Variants in NXPH4 observed in about 807,000 individuals in gnomAD.
The protein encoded by NXPH4 is neurexophilin-4.
Under a neutral mutation model 21.3 loss-of-function variants are expected in NXPH4, and 8 were observed. The ratio of observed to expected loss-of-function variants is 0.38; its 90% CI spans 0.22 to 0.68. The LOEUF is 0.68. Ranked by LOEUF, NXPH4 falls within the 30% of genes least tolerant of loss-of-function variation. NXPH4 has a pLI of 0.53. For missense variants in NXPH4, 418 were observed against 416.8 expected (o/e 1.00, Z -0.03); for synonymous variants, 219 against 192.6 (o/e 1.14, Z -1.13).
intron 1 of NXPH4, among the ~76,000 whole-genome samples, chr12:57,220,581 A>AC (rs1486530497): frequency 6.6e-6 from 1 of 152,100 alleles, no homozygotes; most frequent in East Asian, 1.9e-4. Context: ...GGCAGAGCCT[A>AC]CCCCACCCCA....
At chr12:57,222,633 T>A (rs1209151542) in intron 1 of NXPH4, among the ~76,000 whole-genome samples, 3 of 152,002 alleles carry the variant, frequency 2.0e-5, no homozygotes, top group African/African-American at 7.3e-5. Flanking sequence ...CCTCCCCCAA[T>A]GCCCTCTCTC....
Position 57,226,104 on chromosome 12 carries a change from C to A in NXPH4, c.*357C>A. ...CCCTTTCCCCGCAGCTTTAATAACT[C>A]CTGGCCTGGCACCCTCACCCCACCC... is the stretch of plus-strand genomic sequence containing the variant. On this transcript the variant is annotated 3_prime_UTR_variant, in exon 2 of 2. Coordinates refer to ENST00000349394, the MANE Select transcript of NXPH4 (RefSeq NM_007224.4). 2.0e-6 allele frequency: 1 copy of A among 494,170 alleles called. No individual in the cohort carries two copies. Among genetic ancestry groups the A allele is most frequent in the South Asian group, 5.1e-5 (1 of 19,746 alleles). The allele number at this position is 494,170 out of a possible 1,614,324, so 30.6% of individuals were successfully genotyped here. A position where few individuals can be genotyped will look rare whatever the true frequency, so the allele number is the denominator to read the frequency against.
chr12:57,217,573 C>T (rs945829223), intron 1 of NXPH4, among the ~76,000 whole-genome samples: 11 of 152,226 alleles, frequency 7.2e-5, no homozygotes, highest in Admixed American at 7.2e-4. Flanking sequence ...ACATTTCCCA[C>T]GGAGACACCA....
chr12:57,220,834 A>G (rs1443943991), intron 1 of NXPH4, among the ~76,000 whole-genome samples: 1 of 151,598 alleles, frequency 6.6e-6, no homozygotes, highest in Non-Finnish European at 1.5e-5. Context: ...CTCTGCATCC[A>G]TCACTGTTTC....
Position 57,225,603 on chromosome 12 carries a change from C to T in NXPH4, c.783C>T (p.His261=), listed in dbSNP as rs780557305. The change falls in exon 2 of 2, where the codon CAC becomes CAT. Residue 261 remains histidine (H), a synonymous_variant. Transcript: ENST00000349394. The part of the protein sequence containing the change: ...YDPSQVCFTE[H]TQSQAAWLCA... ...CGTCGCAGGTGTGCTTCACCGAGCA[C>T]ACGCAGAGCCAGGCCGCCTGGCTCT... 7 of 1,613,596 alleles carry T rather than the reference C, an allele frequency of 4.3e-6. No individual in the cohort carries two copies. Among genetic ancestry groups the T allele is most frequent in the Non-Finnish European group, 5.9e-6 (7 of 1,180,004 alleles).
chr12:57,224,973 A>G lies in NXPH4; in HGVS notation c.153A>G (p.Pro51=), dbSNP rs2037126997. The change falls in exon 2 of 2, where the codon CCA becomes CCG. Residue 51 remains proline (P), a synonymous_variant. Coordinates refer to ENST00000349394, the MANE Select transcript of NXPH4 (RefSeq NM_007224.4). ...AGAGAPGQQL[P]EPRSSDGLGV... ...CGGGTGCCCCCGGCCAGCAGCTCCC[A>G]GAGCCAAGGTCTTCGGACGGCCTAG... 2 of 1,436,714 alleles carry G rather than the reference A, an allele frequency of 1.4e-6. No homozygotes were observed. Among genetic ancestry groups the G allele is most frequent in the Middle Eastern group, 2.0e-4 (1 of 5,052 alleles). 89.0% of individuals were successfully genotyped at this position (1,436,714 alleles called of 1,614,324 possible).
At chr12:57,221,621 C>A in intron 1 of NXPH4, 3 of 296,686 alleles carry the variant, frequency 1.0e-5, no homozygotes, top group South Asian at 8.5e-5. Context: ...CCTGAAGGAG[C>A]CTGCTGAACC....
Position 57,225,511 on chromosome 12 carries a change from T to C in NXPH4, c.691T>C (p.Phe231Leu). ...GVPGAKESRA[F>L]NCHVEYEKTN... ...GCCTGGGGCCAAAGAGTCACGCGCT[T>C]TCAATTGCCACGTGGAGTATGAGAA... The change falls in exon 2 of 2, where the codon TTC becomes CTC. Residue 231 changes from phenylalanine (F) to leucine (L), a missense_variant. Coordinates refer to ENST00000349394, the MANE Select transcript of NXPH4 (RefSeq NM_007224.4). 1.2e-6 allele frequency: 2 copies of C among 1,611,892 alleles called. No homozygotes were observed. Among genetic ancestry groups the C allele is most frequent in the Non-Finnish European group, 1.7e-6 (2 of 1,179,720 alleles).
rs371506208 is a variant in NXPH4, at chr12:57,225,805, C to A, written c.*58C>A. 267 of 1,560,990 alleles carry A rather than the reference C, an allele frequency of 1.7e-4. 2 individuals carry two copies. The South Asian group carries it at 2.9e-3, about 17-fold the overall frequency. On this transcript the variant is annotated 3_prime_UTR_variant, in exon 2 of 2. Transcript: ENST00000349394. ...CAAATCCCAGCCTCACTAGGTGGGA[C>A]CCCCTTCCCAGTGTTCTGCCGCTCC...
At chr12:57,217,078 G>T (rs760230527) in intron 1 of NXPH4, 52 bp downstream of exon 1, 1 of 1,494,192 alleles carries the variant, frequency 6.7e-7, no homozygotes, top group Non-Finnish European at 9.1e-7. Flanking sequence ...TCCGGGACGC[G>T]AAGGTCCCAG....
intron 1 of NXPH4, among the ~76,000 whole-genome samples, chr12:57,217,582 C>T (rs959169439): frequency 6.6e-6 from 1 of 152,222 alleles, no homozygotes; most frequent in African/African-American, 2.4e-5. Context: ...ACGGAGACAC[C>T]ATCTCCCCTG....
intron 1 of NXPH4, chr12:57,221,409 G>A (rs1592673913): frequency 2.2e-6 from 1 of 453,776 alleles, no homozygotes; most frequent in East Asian, 7.0e-5. Flanking sequence ...GCCCAGGGGA[G>A]GTGCACCCTG....
intron 1 of NXPH4, among the ~76,000 whole-genome samples, chr12:57,223,848 C>T (rs1228103696): frequency 6.6e-6 from 1 of 152,210 alleles, no homozygotes; most frequent in Non-Finnish European, 1.5e-5. Context: ...CCCATGCTGT[C>T]TCCAAGATCG....
chr12:57,223,583 G>A (rs185153176), intron 1 of NXPH4, among the ~76,000 whole-genome samples: 1 of 152,276 alleles, frequency 6.6e-6, no homozygotes, highest in East Asian at 1.9e-4. Context: ...ACATGGTACT[G>A]CCTCCCCCCA....
Position 57,216,803 on chromosome 12 carries a change from T to A in NXPH4, c.-167T>A. On this transcript the variant is annotated 5_prime_UTR_variant, in exon 1 of 2. Coordinates refer to ENST00000349394, the MANE Select transcript of NXPH4 (RefSeq NM_007224.4). The surrounding 1 kb of genome is among the most constrained non-coding windows in gnomAD (Gnocchi z 5.3). Reference sequence around the variant, plus strand: ...CCCGCGCCCCGCCCCCAGCGCCGGCTCCGCGCCTCGCGCCCAGTCCGCGGG... The same window carrying A: ...CCCGCGCCCCGCCCCCAGCGCCGGCACCGCGCCTCGCGCCCAGTCCGCGGG... The A allele has an allele frequency of 7.0e-6, 1 of 143,882 alleles. No individual in the cohort carries two copies. The highest frequency in any genetic ancestry group is 1.1e-5 in the Non-Finnish European group (1 of 93,940). The allele number at this position is 143,882 out of a possible 1,614,324, so 8.9% of individuals were successfully genotyped here.
Position 57,225,734 on chromosome 12 carries a change from C to G in NXPH4, c.914C>G (p.Pro305Arg). 1 of 1,610,232 alleles carries G rather than the reference C, an allele frequency of 6.2e-7. No homozygotes were observed. Among genetic ancestry groups the G allele is most frequent in the Non-Finnish European group, 8.5e-7 (1 of 1,177,296 alleles). ...CPDYNFQSEHPYFG is the reference protein window; with the variant it reads ...CPDYNFQSEHRYFG The stretch of plus-strand genomic sequence containing the variant: ...GACTATAACTTCCAGAGTGAGCACC[C>G]CTACTTCGGATAGCGCCCCTCCCCA... Residue 305 changes from proline (P) to arginine (R), a missense_variant, in exon 2 of 2, where the codon CCC (proline) becomes CGC (arginine). Transcript: ENST00000349394.
At chr12:57,222,359 C>T (rs1357341410) in intron 1 of NXPH4, among the ~76,000 whole-genome samples, 3 of 152,022 alleles carry the variant, frequency 2.0e-5, no homozygotes, top group African/African-American at 4.8e-5. Flanking sequence ...CTCCCCCTGC[C>T]CCTTACTTCT....
Position 57,225,451 on chromosome 12 carries a change from G to A in NXPH4, c.631G>A (p.Ala211Thr), listed in dbSNP as rs745393991. ...CGGGCTTGGGGGCTCCCTCGGGGGCGCACTGGCGGGGCCGCTTGGGGGCGC... is the reference window on the plus strand; with the variant it reads ...CGGGCTTGGGGGCTCCCTCGGGGGCACACTGGCGGGGCCGCTTGGGGGCGC... ...GPGLGGSLGG[A>T]LAGPLGGALG... The change falls in exon 2 of 2, where the codon GCA (alanine) becomes ACA (threonine). Residue 211 changes from alanine (A) to threonine (T), a missense_variant. By Grantham distance (58) the Ala-to-Thr change is moderately conservative. Transcript: ENST00000349394. 7 of 1,602,316 alleles carry A rather than the reference G, an allele frequency of 4.4e-6. No homozygotes were observed. The highest frequency in any genetic ancestry group is 2.2e-5 in the South Asian group (2 of 90,830).
chr12:57,225,585 G>A lies in NXPH4; in HGVS notation c.765G>A (p.Gln255=), dbSNP rs1190132972. 1 of 1,613,504 alleles carries A rather than the reference G, an allele frequency of 6.2e-7. No individual in the cohort carries two copies. The highest frequency in any genetic ancestry group is 8.5e-7 in the Non-Finnish European group (1 of 1,180,008). Residue 255 remains glutamine, a synonymous_variant, in exon 2 of 2, where the codon CAG becomes CAA. Transcript: ENST00000349394. ...GACCGTGCCTGTACGACCCGTCGCA[G>A]GTGTGCTTCACCGAGCACACGCAGA... ...KHRPCLYDPS[Q]VCFTEHTQSQ... is the part of the protein sequence containing the mutation.
Sources: allele counts gnomAD v4.1 joint callset (sites outside exome capture counted in the v4.1 genomes callset), GRCh38; gene constraint gnomAD v4.1.1; non-coding constraint Gnocchi (gnomAD v3.1); transcripts MANE v1.5; gene names NCBI Gene and HGNC (gene_info 2026-07-23, HGNC 2026-07-21).